Variants in HEMK2 observed in about 807,000 individuals in gnomAD.
The protein encoded by HEMK2 is HemK methyltransferase 2, ETF1 glutamine and histone H4 lysine.
At chr21:28,847,962 C>T in the HEMK2 span, among the ~76,000 whole-genome samples, 6 of 152,174 alleles carry the variant, frequency 3.9e-5, no homozygotes, top group African/African-American at 1.4e-4. Context: ...GGTTCTCTAA[C>T]CTGTTCCATT....
chr21:28,697,874 A>T, the HEMK2 span, among the ~76,000 whole-genome samples: 1 of 152,036 alleles, frequency 6.6e-6, no homozygotes, highest in Non-Finnish European at 1.5e-5. Context: ...ACAACCATAG[A>T]CACGGTGACT....
At chr21:28,648,363 CA>C in the HEMK2 span, among the ~76,000 whole-genome samples, 1 of 152,090 alleles carries the variant, frequency 6.6e-6, no homozygotes, top group African/African-American at 2.4e-5. Context: ...TGTTTTGGCT[CA>C]ATAGAAATAC....
chr21:28,675,555 C>T, the HEMK2 span, among the ~76,000 whole-genome samples: 1 of 152,206 alleles, frequency 6.6e-6, no homozygotes, highest in East Asian at 1.9e-4. Flanking sequence ...GAACAGGGAA[C>T]ATTTTAACCT....
the HEMK2 span, among the ~76,000 whole-genome samples, chr21:28,799,435 T>C: frequency 6.6e-6 from 1 of 152,190 alleles, no homozygotes; most frequent in African/African-American, 2.4e-5. Context: ...TTGTGGGAGC[T>C]ATAATTCAAG....
the HEMK2 span, among the ~76,000 whole-genome samples, chr21:28,601,905 G>A: frequency 2.0e-5 from 3 of 152,190 alleles, no homozygotes; most frequent in African/African-American, 7.2e-5. Context: ...GACACATCCT[G>A]TTATAACCTT....
chr21:28,592,454 C>G, the HEMK2 span, among the ~76,000 whole-genome samples: 1 of 152,022 alleles, frequency 6.6e-6, no homozygotes, highest in African/African-American at 2.4e-5. Flanking sequence ...GTAGACAATA[C>G]GTGAAAATGT....
At chr21:28,816,045 C>G in the HEMK2 span, among the ~76,000 whole-genome samples, 1 of 152,094 alleles carries the variant, frequency 6.6e-6, no homozygotes, top group Non-Finnish European at 1.5e-5. Context: ...CAAGTGCACA[C>G]CCAGAGGGAA....
At chr21:28,604,862 G>A in the HEMK2 span, among the ~76,000 whole-genome samples, 2 of 152,170 alleles carry the variant, frequency 1.3e-5, no homozygotes, top group Non-Finnish European at 2.9e-5. Context: ...GGAGTGGTCA[G>A]AGTTGAAGTC....
the HEMK2 span, among the ~76,000 whole-genome samples, chr21:28,817,495 C>A: frequency 6.6e-6 from 1 of 152,022 alleles, no homozygotes; most frequent in Non-Finnish European, 1.5e-5. Flanking sequence ...TAGGGTTGGG[C>A]AAAGAGGACA....
the HEMK2 span, among the ~76,000 whole-genome samples, chr21:28,681,137 G>C: frequency 6.6e-6 from 1 of 152,036 alleles, no homozygotes; most frequent in African/African-American, 2.4e-5. Context: ...TGACATAATT[G>C]TATATCTAGA....
At chr21:28,721,925 CACACACACACACAT>C in the HEMK2 span, among the ~76,000 whole-genome samples, 7 of 146,878 alleles carry the variant, frequency 4.8e-5, no homozygotes, top group Middle Eastern at 3.4e-3. Flanking sequence ...CACACACACA[CACACACACACACAT>C]ACACCTATTT....
At chr21:28,595,729 T>C in the HEMK2 span, among the ~76,000 whole-genome samples, 11 of 152,140 alleles carry the variant, frequency 7.2e-5, no homozygotes, top group Middle Eastern at 3.2e-3. Flanking sequence ...CAACTCTATT[T>C]TTAGTTTTTT....
At chr21:28,773,065 T>C in the HEMK2 span, among the ~76,000 whole-genome samples, 42 of 152,202 alleles carry the variant, frequency 2.8e-4, no homozygotes, top group Non-Finnish European at 5.3e-4. Flanking sequence ...AATAATTACA[T>C]GAGACCCAAG....
chr21:28,717,480 C>CTTTTTTTTTTTTTT, the HEMK2 span, among the ~76,000 whole-genome samples: 3 of 117,306 alleles, frequency 2.6e-5, no homozygotes, highest in African/African-American at 3.5e-5. Flanking sequence ...TCATTTTAGT[C>CTTTTTTTTTTTTTT]TTTTTTTTTT....
chr21:28,659,998 G>T, the HEMK2 span, among the ~76,000 whole-genome samples: 1 of 151,902 alleles, frequency 6.6e-6, no homozygotes, highest in South Asian at 2.1e-4. Flanking sequence ...TCAATAATGT[G>T]TTGTAGTTTT....
chr21:28,647,670 G>A, the HEMK2 span, among the ~76,000 whole-genome samples: 1,439 of 152,236 alleles, frequency 9.5e-3, 22 homozygotes, highest in African/African-American at 0.033. Flanking sequence ...AATTCCCCAG[G>A]GGCGAGGGTT....
chr21:28,808,443 C>T, the HEMK2 span, among the ~76,000 whole-genome samples: 6 of 147,798 alleles, frequency 4.1e-5, no homozygotes, highest in Admixed American at 2.0e-4. Flanking sequence ...GGAAACATGA[C>T]GAGGATTGCA....
chr21:28,631,524 A>G, the HEMK2 span, among the ~76,000 whole-genome samples: 1 of 152,194 alleles, frequency 6.6e-6, no homozygotes, highest in Non-Finnish European at 1.5e-5. Flanking sequence ...TGACAAAATT[A>G]TAACTAGCAT....
At chr21:28,855,940 A>T in the HEMK2 span, among the ~76,000 whole-genome samples, 1 of 152,232 alleles carries the variant, frequency 6.6e-6, no homozygotes, top group South Asian at 2.1e-4. Flanking sequence ...ACAACCTAAC[A>T]TTACATCTAG....
Sources: allele counts gnomAD v4.1 joint callset (sites outside exome capture counted in the v4.1 genomes callset), GRCh38; gene constraint gnomAD v4.1.1; transcripts MANE v1.5; gene names NCBI Gene and HGNC (gene_info 2026-07-23, HGNC 2026-07-21).